ATP6V0D1: variants seen among roughly 807,000 people sequenced by gnomAD.
ATP6V0D1 encodes the protein ATPase H+ transporting V0 subunit d1, also known as V-type proton ATPase subunit d 1.
Under a neutral mutation model 39.0 loss-of-function variants are expected in ATP6V0D1, and 13 were observed. That is an observed-to-expected ratio of 0.33 (90% CI 0.22 to 0.53). ATP6V0D1 has a LOEUF of 0.53. Among genes scored for constraint, ATP6V0D1 ranks in the 20% least tolerant of loss-of-function variants. ATP6V0D1 has a pLI of 0.94. For missense variants in ATP6V0D1, 272 were observed against 470.9 expected (o/e 0.58, Z 3.91); for synonymous variants, 191 against 191.2 (o/e 1.00, Z 0.01).
chr16:67,472,883 T>C (rs1035296581), intron 1 of ATP6V0D1, among the ~76,000 whole-genome samples: 3 of 151,962 alleles, frequency 2.0e-5, no homozygotes, highest in African/African-American at 7.2e-5. Context: ...AATATATATA[T>C]ATTTCCAGGC....
rs1268102089 is a variant in ATP6V0D1, at chr16:67,453,947, G to A, written c.131-232C>T. ...TCCAGCACATGGAGCCCCAAAGTTC[G>A]AGCATAAGAGGAACAGTTCCTCCCC... On this transcript the variant is annotated intron_variant, in intron 1 of 7. Coordinates refer to ENST00000290949, the MANE Select transcript of ATP6V0D1 (RefSeq NM_004691.5). This position sits in a 1 kb window ranked among gnomAD's most constrained non-coding sequence, Gnocchi z 4.1. Among the ~76,000 whole-genome samples, 1 of 152,154 alleles carries A rather than the reference G, an allele frequency of 6.6e-6. No individual in the cohort carries two copies. Among genetic ancestry groups the A allele is most frequent in the Non-Finnish European group, 1.5e-5 (1 of 68,036 alleles).
chr16:67,476,248 G>C, intron 1 of ATP6V0D1, among the ~76,000 whole-genome samples: 1 of 149,908 alleles, frequency 6.7e-6, no homozygotes, highest in East Asian at 1.9e-4. Context: ...AGACATCTCA[G>C]ATAGTAAGGA....
At chr16:67,457,795 T>C (rs1030029295) in intron 1 of ATP6V0D1, 6 of 469,912 alleles carry the variant, frequency 1.3e-5, no homozygotes, top group African/African-American at 1.0e-4. Flanking sequence ...CTGCTGACAC[T>C]GCATCTGGGG....
chr16:67,469,658 G>C (rs1423874286), intron 1 of ATP6V0D1, among the ~76,000 whole-genome samples: 2 of 152,166 alleles, frequency 1.3e-5, no homozygotes, highest in Non-Finnish European at 2.9e-5. Context: ...GGACCACAAA[G>C]GTCCCAGGCT....
intron 4 of ATP6V0D1, among the ~76,000 whole-genome samples, chr16:67,442,669 A>G (rs8056260): frequency 0.18 from 27,728 of 151,956 alleles, 6,096 homozygotes; most frequent in African/African-American, 0.53. Flanking sequence ...ATGAGGACCT[A>G]GCTATGCCTC....
chr16:67,479,234 G>A (rs116928772), intron 1 of ATP6V0D1, among the ~76,000 whole-genome samples: 2,902 of 147,670 alleles, frequency 0.02, 42 homozygotes, highest in Non-Finnish European at 0.031. Flanking sequence ...TTTTTGAGAC[G>A]GGGTCTCGCT....
In ATP6V0D1 at chr16:67,438,675, C is replaced by T; in HGVS notation, c.909G>A (p.Lys303=). 1 of 1,614,242 alleles carries T rather than the reference C, an allele frequency of 6.2e-7. No homozygotes were observed. The highest frequency in any genetic ancestry group is 8.5e-7 in the Non-Finnish European group (1 of 1,180,042). The part of the protein sequence containing the change: ...RFFEHEVKLN[K]LAFLNQFHFG... ...AGTGGAACTGGTTCAGGAAGGCCAA[C>T]TTGTTCAGCTTTACCTGTGGACACG... The change falls in exon 8 of 8, where the codon AAG becomes AAA. Residue 303 remains lysine, a synonymous_variant. Transcript: ENST00000290949.
At chr16:67,439,182 GGAA>G (rs747204423) in intron 5 of ATP6V0D1, 35 bp from the exon 6 acceptor site, 6 of 1,613,430 alleles carry the variant, frequency 3.7e-6, no homozygotes, top group South Asian at 3.3e-5. Flanking sequence ...AAGAGAGGGA[GGAA>G]GAAGGAGGCA....
Position 67,447,918 on chromosome 16 carries a change from G to A in ATP6V0D1, c.303-3212C>T, listed in dbSNP as rs2041135934. Among the ~76,000 whole-genome samples, 1 of 152,204 alleles carries A rather than the reference G, an allele frequency of 6.6e-6. No homozygotes were observed. Among genetic ancestry groups the A allele is most frequent in the South Asian group, 2.1e-4 (1 of 4,828 alleles). On this transcript the variant is annotated intron_variant, in intron 2 of 7. Transcript: ENST00000290949. The surrounding 1 kb of genome is among the most constrained non-coding windows in gnomAD (Gnocchi z 4.1). The stretch of plus-strand genomic sequence containing the variant: ...GCAGGTGCTCCAGTGAGCTGCTAAT[G>A]ACAGTATCTGTATTCAATCACTTCT...
intron 2 of ATP6V0D1, among the ~76,000 whole-genome samples, chr16:67,451,668 G>A (rs1211217929): frequency 6.6e-6 from 1 of 152,244 alleles, no homozygotes; most frequent in Non-Finnish European, 1.5e-5. Context: ...CTCCTTCTGA[G>A]TGAGGGGAGG....
intron 1 of ATP6V0D1, among the ~76,000 whole-genome samples, chr16:67,458,408 C>T (rs1298000743): frequency 1.3e-5 from 2 of 152,180 alleles, no homozygotes; most frequent in Non-Finnish European, 2.9e-5. Flanking sequence ...CAGCCAAGGA[C>T]GGCAGGGGCT....
intron 1 of ATP6V0D1, among the ~76,000 whole-genome samples, chr16:67,480,190 C>T (rs1358115965): frequency 9.7e-5 from 9 of 92,698 alleles, no homozygotes; most frequent in African/African-American, 1.4e-4. Context: ...CAGAGCGAGA[C>T]TCCGTCTCAA....
chr16:67,477,932 G>T (rs2041430077), intron 1 of ATP6V0D1, among the ~76,000 whole-genome samples: 2 of 152,150 alleles, frequency 1.3e-5, no homozygotes, highest in African/African-American at 4.8e-5. Context: ...GCCTCCCAAA[G>T]TGCTGGGATT....
chr16:67,438,292 TG>T lies in ATP6V0D1; in HGVS notation c.*235del. 1.8e-6 allele frequency: 1 copy of T among 570,856 alleles called. No individual in the cohort carries two copies. Among genetic ancestry groups the T allele is most frequent in the Non-Finnish European group, 3.1e-6 (1 of 321,986 alleles). The allele number at this position is 570,856 out of a possible 1,614,324, so 35.4% of individuals were successfully genotyped here. A position where few individuals can be genotyped will look rare whatever the true frequency, so the allele number is the denominator to read the frequency against. On this transcript the variant is annotated 3_prime_UTR_variant, in exon 8 of 8. Transcript: ENST00000290949. ...CAGGGCTGAGGGGGCCTCCTTGCTCTGGAGGGGGTCTTCGTCCATCCTTGGT... is the reference window on the plus strand; with the variant it reads ...CAGGGCTGAGGGGGCCTCCTTGCTCTGAGGGGGTCTTCGTCCATCCTTGGT...
chr16:67,448,638 C>A lies in ATP6V0D1; in HGVS notation c.303-3932G>T, dbSNP rs1459786517. Among the ~76,000 whole-genome samples the A allele has an allele frequency of 4.3e-5, 6 of 140,648 alleles. No individual in the cohort carries two copies. In the South Asian group the frequency reaches 1.3e-3, roughly 31 times the overall value. The allele number at this position is 140,648 out of a possible 152,430, so 92.3% of individuals were successfully genotyped here. A position where few individuals can be genotyped will look rare whatever the true frequency, so the allele number is the denominator to read the frequency against. On this transcript the variant is annotated intron_variant, in intron 2 of 7. Transcript: ENST00000290949. ...ACGTGCCACTACATTCTGGCCTGTG[C>A]GACAGAGTGAGACTCCAGCTCAAAA... is the stretch of plus-strand genomic sequence containing the variant.
At chr16:67,451,585 C>T (rs2041181461) in intron 2 of ATP6V0D1, among the ~76,000 whole-genome samples, 1 of 152,176 alleles carries the variant, frequency 6.6e-6, no homozygotes, top group African/African-American at 2.4e-5. Flanking sequence ...AGCAAAGGAG[C>T]AGGTCATTGG....
At chr16:67,452,376 T>C in intron 2 of ATP6V0D1, 1 of 1,535,630 alleles carries the variant, frequency 6.5e-7, no homozygotes, top group African/African-American at 1.4e-5. Flanking sequence ...AATGGAGCCC[T>C]TTGGCTGCAG....
intron 1 of ATP6V0D1, among the ~76,000 whole-genome samples, chr16:67,472,320 C>T (rs1373251934): frequency 6.6e-6 from 1 of 152,204 alleles, no homozygotes; most frequent in Non-Finnish European, 1.5e-5. Context: ...CATTCCCTTT[C>T]TTCCACAGAG....
At chr16:67,465,100 C>T (rs897739879) in intron 1 of ATP6V0D1, among the ~76,000 whole-genome samples, 19 of 152,380 alleles carry the variant, frequency 1.2e-4, no homozygotes, top group Middle Eastern at 3.4e-3. Flanking sequence ...GGAAGACCAA[C>T]ATTCTAGTGC....
Sources: gnomAD v4.1 joint callset for allele counts (sites outside exome capture counted in the v4.1 genomes callset) on GRCh38, gnomAD v4.1.1 for gene constraint, Gnocchi (gnomAD v3.1) non-coding constraint, MANE v1.5 for transcripts, NCBI Gene and HGNC (gene_info 2026-07-23, HGNC 2026-07-21) for gene names.